The following ADAP1 variants were observed in gnomAD, a reference collection of about 807,000 sequenced individuals.
The protein encoded by ADAP1 is arf-GAP with dual PH domain-containing protein 1.
A neutral mutation model predicts 54.9 loss-of-function variants in ADAP1; 31 were observed. That is an observed-to-expected ratio of 0.56 (90% CI 0.42 to 0.76). The LOEUF (loss-of-function observed/expected upper bound fraction) is 0.76. Ranked by LOEUF, ADAP1 falls within the 30% of genes least tolerant of loss-of-function variation. The pLI, the probability that ADAP1 is intolerant of heterozygous loss-of-function variation, is 0.00. For missense variants in ADAP1, 535 were observed against 512.4 expected (o/e 1.04, Z -0.42); for synonymous variants, 313 against 202.6 (o/e 1.55, Z -4.63).
intron 1 of ADAP1, among the ~76,000 whole-genome samples, chr7:950,269 A>G (rs1847234997): frequency 6.6e-6 from 1 of 151,968 alleles, no homozygotes; most frequent in South Asian, 2.1e-4. Flanking sequence ...GCGGATCACA[A>G]GGTCAGGAGA....
At chr7:909,865 G>A (rs1845649368) in intron 4 of ADAP1, among the ~76,000 whole-genome samples, 1 of 152,042 alleles carries the variant, frequency 6.6e-6, no homozygotes. Context: ...GGGTGGGGGG[G>A]GTTCTACTGC....
At chr7:901,088 G>A (rs1006925431) in intron 6 of ADAP1, 30 of 466,056 alleles carry the variant, frequency 6.4e-5, no homozygotes, top group South Asian at 4.2e-4. Context: ...TGGAGCTGTG[G>A]CCCCTACCGA....
chr7:919,711 G>A (rs1348279822), intron 4 of ADAP1, among the ~76,000 whole-genome samples: 1 of 48,704 alleles, frequency 2.1e-5, no homozygotes. Flanking sequence ...AGGGGAGAAA[G>A]AGACAGGTGG....
intron 1 of ADAP1, among the ~76,000 whole-genome samples, chr7:952,807 G>A (rs570407628): frequency 2.0e-5 from 3 of 152,172 alleles, no homozygotes; most frequent in Non-Finnish European, 2.9e-5. Flanking sequence ...CCCTCTACCC[G>A]GCAGCGTGGG....
chr7:899,703 C>G (rs1256970567), intron 8 of ADAP1, among the ~76,000 whole-genome samples: 1 of 152,180 alleles, frequency 6.6e-6, no homozygotes, highest in African/African-American at 2.4e-5. Context: ...CTCCAGGTCC[C>G]CCAGCCCTCC....
intron 4 of ADAP1, among the ~76,000 whole-genome samples, chr7:906,412 AAG>A (rs1845334805): frequency 1.7e-5 from 1 of 58,242 alleles, no homozygotes; most frequent in Non-Finnish European, 4.5e-5. Flanking sequence ...GGAAAGGAGA[AAG>A]GGAGAAAGGG....
intron 4 of ADAP1, among the ~76,000 whole-genome samples, chr7:907,895 GGCCGTCTGCCGAGGA>G (rs1047972444): frequency 2.5e-4 from 38 of 151,986 alleles, no homozygotes; most frequent in East Asian, 2.3e-3. Flanking sequence ...GAGGTCGCGG[GGCCGTCTGCCGAGGA>G]GCCGTCTGCC....
rs1379210532 is a variant in ADAP1 at position 900,457 on chromosome 7, G to A, written c.732+76C>T. 5 of 1,453,446 alleles carry A rather than the reference G, an allele frequency of 3.4e-6. No homozygotes were observed. The African/African-American group carries it at 4.2e-5, about 12-fold the overall frequency. 90.0% of individuals were successfully genotyped at this position (1,453,446 alleles called of 1,614,324 possible). On this transcript the variant is annotated intron_variant, in intron 7 of 10. Transcript: ENST00000265846. ...AGGGCTCAACATCATCCCAGACTCAGGGCACGAGGGCTCCGTCCACCCCCC... is the reference window on the plus strand; with the variant it reads ...AGGGCTCAACATCATCCCAGACTCAAGGCACGAGGGCTCCGTCCACCCCCC...
rs28368694 is a variant in ADAP1 at position 935,560 on chromosome 7, G to C, written c.83-55C>G. 7.9e-4 allele frequency: 1,217 copies of C among 1,544,130 alleles called. 12 individuals carry two copies. In the African/African-American group the frequency reaches 0.015, roughly 19 times the overall value. On this transcript the variant is annotated intron_variant, in intron 1 of 10. Coordinates refer to ENST00000265846, the MANE Select transcript of ADAP1 (RefSeq NM_006869.4). ...GCTCAGCCCAGGGACCCCGGAGGGA[G>C]GGTGGACGGAGCCTCGAGTCAGGAG...
intron 3 of ADAP1, among the ~76,000 whole-genome samples, chr7:925,950 G>A (rs1846370174): frequency 6.6e-6 from 1 of 152,214 alleles, no homozygotes; most frequent in East Asian, 1.9e-4. Context: ...AGGTACGAGG[G>A]GGTCGGTGCG....
At chr7:944,359 A>G (rs1284849887) in intron 1 of ADAP1, among the ~76,000 whole-genome samples, 1 of 150,526 alleles carries the variant, frequency 6.6e-6, no homozygotes, top group Non-Finnish European at 1.5e-5. Flanking sequence ...GGTTCAAGCA[A>G]TTCTCCTGTC....
At chr7:949,014 C>G (rs1847206398) in intron 1 of ADAP1, among the ~76,000 whole-genome samples, 1 of 152,170 alleles carries the variant, frequency 6.6e-6, no homozygotes. Context: ...AATTCTTACT[C>G]TACCCTCGGC....
upstream of ADAP1, chr7:954,709 C>T: frequency 1.0e-6 from 1 of 981,514 alleles, no homozygotes; most frequent in Non-Finnish European, 1.2e-6. Context: ...GCGCACGCTG[C>T]GCTCTGGCCG....
rs762821068 is a variant in ADAP1, at chr7:903,939, G to A, written c.648+187C>T. 113 of 693,538 alleles carry A rather than the reference G, an allele frequency of 1.6e-4. 1 individual carries two copies. The highest frequency in any genetic ancestry group is 2.3e-4 in the Non-Finnish European group (103 of 442,860). 43.0% of individuals were successfully genotyped at this position (693,538 alleles called of 1,614,324 possible). A position where few individuals can be genotyped will look rare whatever the true frequency, so the allele number is the denominator to read the frequency against. Reference sequence around the variant, plus strand: ...TCTTCCCATGCTGCCCGGCGCCAGTGCCCACACTCCCACACGTCCAAGCAC... The same window carrying A: ...TCTTCCCATGCTGCCCGGCGCCAGTACCCACACTCCCACACGTCCAAGCAC... On this transcript the variant is annotated intron_variant, in intron 6 of 10. Transcript: ENST00000265846.
intron 3 of ADAP1, among the ~76,000 whole-genome samples, chr7:922,437 G>A (rs1488453527): frequency 6.6e-6 from 1 of 152,164 alleles, no homozygotes; most frequent in Non-Finnish European, 1.5e-5. Context: ...CACAGGGGAA[G>A]ACGCTCTGAG....
intron 4 of ADAP1, among the ~76,000 whole-genome samples, chr7:908,208 G>A (rs1470527264): frequency 6.6e-6 from 1 of 152,214 alleles, no homozygotes; most frequent in Non-Finnish European, 1.5e-5. Context: ...AGGCCAGACA[G>A]AGGCTCAGAT....
intron 4 of ADAP1, among the ~76,000 whole-genome samples, chr7:914,428 G>A (rs1184767504): frequency 6.6e-6 from 1 of 152,232 alleles, no homozygotes; most frequent in African/African-American, 2.4e-5. Context: ...AGTGCACTCT[G>A]GGAGGGGTTG....
Position 945,690 on chromosome 7 carries a change from GCCT to G in ADAP1, c.82+8703_82+8705del, listed in dbSNP as rs1305339335. The G allele has an allele frequency of 3.1e-6, 3 of 964,524 alleles. No homozygotes were observed. In the Admixed American group the frequency reaches 1.8e-4, roughly 59 times the overall value. The allele number at this position is 964,524 out of a possible 1,614,324, so 59.7% of individuals were successfully genotyped here. A position where few individuals can be genotyped will look rare whatever the true frequency, so the allele number is the denominator to read the frequency against. On this transcript the variant is annotated intron_variant, in intron 1 of 10. Transcript: ENST00000265846. The surrounding 1 kb of genome is among the most constrained non-coding windows in gnomAD (Gnocchi z 4.2). ...GCTGCCAGCACCGTCTCCAGGAGCT[GCCT>G]CCTCCTCGGAGACTGCCCACAGCCG...
At chr7:929,525 A>C (rs1358347516) in intron 2 of ADAP1, among the ~76,000 whole-genome samples, 3 of 151,070 alleles carry the variant, frequency 2.0e-5, no homozygotes, top group African/African-American at 4.9e-5. Context: ...AAAAAAAAAA[A>C]AAAAAAAAAA....
Sources: allele counts gnomAD v4.1 joint callset (sites outside exome capture counted in the v4.1 genomes callset), GRCh38; gene constraint gnomAD v4.1.1; non-coding constraint Gnocchi (gnomAD v3.1); transcripts MANE v1.5; gene names NCBI Gene and HGNC (gene_info 2026-07-23, HGNC 2026-07-21).